CDH13: variants seen among roughly 807,000 people sequenced by gnomAD.
The protein encoded by CDH13 is cadherin 13.
In CDH13, 24 loss-of-function variants were observed where a neutral mutation model predicts 63.8. That is an observed-to-expected ratio of 0.38 (90% CI 0.27 to 0.53). The LOEUF is 0.53. Ranked by LOEUF, CDH13 falls within the 20% of genes least tolerant of loss-of-function variation. The pLI, the probability that CDH13 is intolerant of heterozygous loss-of-function variation, is 0.85. For missense variants in CDH13, 1,049 were observed against 903.1 expected (o/e 1.16, Z -2.07); for synonymous variants, 503 against 355.3 (o/e 1.42, Z -4.67).
At chr16:82,854,070 T>C (rs774218832) in intron 1 of CDH13, among the ~76,000 whole-genome samples, 1 of 152,048 alleles carries the variant, frequency 6.6e-6, no homozygotes, top group Non-Finnish European at 1.5e-5. Flanking sequence ...CGGTGGCAAG[T>C]TCAAGCATAG....
rs61363497 is a variant in CDH13, at chr16:82,993,030, A to C, written c.158-38980A>C. ...CCTTAAACAGGGCTTCCATTGGGCC[A>C]TGCCAGCTATTTTGTTTGTTTGTTT... On this transcript the variant is annotated intron_variant, in intron 2 of 13. Coordinates refer to ENST00000567109, the MANE Select transcript of CDH13 (RefSeq NM_001257.5). Among the ~76,000 whole-genome samples the C allele has an allele frequency of 4.1e-4, 62 of 152,300 alleles. 1 individual carries two copies. The East Asian group carries it at 0.011, about 27-fold the overall frequency.
intron 1 of CDH13, among the ~76,000 whole-genome samples, chr16:82,761,517 C>T (rs1234076336): frequency 6.6e-6 from 1 of 152,200 alleles, no homozygotes; most frequent in Non-Finnish European, 1.5e-5. Context: ...GGCTACTTCT[C>T]AATCAATTAT....
At chr16:83,581,007 G>C (rs965123414) in intron 7 of CDH13, among the ~76,000 whole-genome samples, 1 of 152,196 alleles carries the variant, frequency 6.6e-6, no homozygotes, top group Non-Finnish European at 1.5e-5. Context: ...ATTACCCATA[G>C]ATGGTGCCAT....
intron 2 of CDH13, among the ~76,000 whole-genome samples, chr16:82,986,987 A>C (rs938468279): frequency 2.6e-5 from 4 of 152,210 alleles, no homozygotes; most frequent in African/African-American, 7.2e-5. Context: ...ATTCCATCTT[A>C]TCTTGATGGA....
chr16:83,000,574 C>CTTTT (rs561787532), intron 2 of CDH13, among the ~76,000 whole-genome samples: 41 of 127,698 alleles, frequency 3.2e-4, no homozygotes, highest in African/African-American at 6.0e-4. Flanking sequence ...TTTCTTTTCT[C>CTTTT]TTTTTTTTTT....
At chr16:83,550,052 G>T (rs1191836618) in intron 7 of CDH13, among the ~76,000 whole-genome samples, 1 of 152,162 alleles carries the variant, frequency 6.6e-6, no homozygotes, top group Non-Finnish European at 1.5e-5. Context: ...TCAAAATTGG[G>T]GATGCTCTTG....
intron 2 of CDH13, among the ~76,000 whole-genome samples, chr16:82,868,417 C>G (rs1243921317): frequency 1.3e-5 from 2 of 152,082 alleles, no homozygotes; most frequent in South Asian, 4.1e-4. Flanking sequence ...TCCTACCTAA[C>G]AAATGTGAAA....
chr16:83,347,939 C>T (rs1383637925), intron 6 of CDH13, among the ~76,000 whole-genome samples: 1 of 152,162 alleles, frequency 6.6e-6, no homozygotes, highest in African/African-American at 2.4e-5. Context: ...AGCCTGTAAT[C>T]CCAGTACTTT....
intron 3 of CDH13, among the ~76,000 whole-genome samples, chr16:83,056,653 G>A (rs554277892): frequency 6.6e-6 from 1 of 152,238 alleles, no homozygotes; most frequent in African/African-American, 2.4e-5. Context: ...CCAGGATGGT[G>A]GTGATATGGT....
In CDH13 at chr16:82,805,888, G is replaced by A. The variant is rs189716319; in HGVS notation, c.46-52474G>A. 2.4e-3 allele frequency among the ~76,000 whole-genome samples: 365 copies of A among 152,320 alleles called. 2 individuals carry two copies. Among genetic ancestry groups the A allele is most frequent in the Middle Eastern group, 6.8e-3 (2 of 294 alleles). ...TAGTGTGCAAATAAGACAACTGTCTGTCTTTTAACATGGTACGCACATTTC... is the reference window on the plus strand; with the variant it reads ...TAGTGTGCAAATAAGACAACTGTCTATCTTTTAACATGGTACGCACATTTC... On this transcript the variant is annotated intron_variant, in intron 1 of 13. Coordinates refer to ENST00000567109, the MANE Select transcript of CDH13 (RefSeq NM_001257.5).
intron 7 of CDH13, among the ~76,000 whole-genome samples, chr16:83,597,005 T>C (rs1024464760): frequency 1.3e-5 from 2 of 152,208 alleles, no homozygotes; most frequent in Non-Finnish European, 2.9e-5. Flanking sequence ...GGAGGATCAC[T>C]TGAGCCCAGG....
In CDH13 at chr16:82,636,236, C is replaced by A. The variant is rs546477096; in HGVS notation, c.45+9099C>A. Among the ~76,000 whole-genome samples, 353 of 152,102 alleles carry A rather than the reference C, an allele frequency of 2.3e-3. 1 individual carries two copies. The highest frequency in any genetic ancestry group is 8.1e-3 in the African/African-American group (338 of 41,490). ...CTTCCAATTGGCAGGAAGAGTCAAA[C>A]AAGGAGACCAGGTGTTTGACATTGT... On this transcript the variant is annotated intron_variant, in intron 1 of 13. Transcript: ENST00000567109.
intron 2 of CDH13, among the ~76,000 whole-genome samples, chr16:82,983,655 GAC>G (rs1440196404): frequency 5.3e-5 from 8 of 152,208 alleles, no homozygotes; most frequent in Admixed American, 2.0e-4. Context: ...GACATAAATT[GAC>G]AGTTAATTGC....
intron 4 of CDH13, among the ~76,000 whole-genome samples, chr16:83,167,354 G>C (rs1481150352): frequency 1.3e-5 from 2 of 151,818 alleles, no homozygotes; most frequent in African/African-American, 4.8e-5. Context: ...AAAATTAGCT[G>C]GGCATGCTGG....
chr16:83,443,793 G>C (rs2072572935), intron 6 of CDH13, among the ~76,000 whole-genome samples: 1 of 146,580 alleles, frequency 6.8e-6, no homozygotes, highest in African/African-American at 2.5e-5. Flanking sequence ...GAGCAAGCCA[G>C]GCTTGGTGGC....
intron 10 of CDH13, among the ~76,000 whole-genome samples, chr16:83,733,222 C>T (rs952154669): frequency 1.3e-5 from 2 of 152,176 alleles, no homozygotes; most frequent in African/African-American, 4.8e-5. Context: ...AATAACCCTC[C>T]AGCTCCTTCA....
intron 1 of CDH13, among the ~76,000 whole-genome samples, chr16:82,781,728 C>A (rs1313999826): frequency 6.6e-6 from 1 of 152,212 alleles, no homozygotes; most frequent in Non-Finnish European, 1.5e-5. Context: ...TTGTATCCAT[C>A]CACGTAACCA....
chr16:83,001,463 A>G (rs1341920774), intron 2 of CDH13, among the ~76,000 whole-genome samples: 2 of 152,252 alleles, frequency 1.3e-5, no homozygotes, highest in East Asian at 1.9e-4. Flanking sequence ...ATGGGCCAGT[A>G]TTCAAAATGC....
chr16:82,997,813 G>A lies in CDH13; in HGVS notation c.158-34197G>A, dbSNP rs183573658. On this transcript the variant is annotated intron_variant, in intron 2 of 13. Coordinates refer to ENST00000567109, the MANE Select transcript of CDH13 (RefSeq NM_001257.5). ...CATTAAATATTCAGTATCATTTTCT[G>A]GGCTATTTTTAAATGGTAGGGAGTC... Among the ~76,000 whole-genome samples, 24 of 152,186 alleles carry A rather than the reference G, an allele frequency of 1.6e-4. No homozygotes were observed. The East Asian group carries it at 4.2e-3, about 27-fold the overall frequency.
Sources: gnomAD v4.1 joint callset for allele counts (sites outside exome capture counted in the v4.1 genomes callset) on GRCh38, gnomAD v4.1.1 for gene constraint, MANE v1.5 for transcripts, NCBI Gene and HGNC (gene_info 2026-07-23, HGNC 2026-07-21) for gene names.